Variants in PLET1 observed in about 807,000 individuals in gnomAD.
PLET1 encodes the protein placenta expressed transcript 1.
PLET1 carries 20 observed loss-of-function variants against 18.5 expected under a neutral mutation model. The ratio of observed to expected loss-of-function variants is 1.08; its 90% confidence interval spans 0.76 to 1.57. The LOEUF is 1.57. Among genes scored for constraint, PLET1 ranks in the 40% most tolerant of loss-of-function variants. The probability of loss-of-function intolerance (pLI) is 0.00; values close to 1 mark genes in which losing one functional copy is unlikely to be tolerated. For synonymous variants in PLET1, 93 were observed against 93.8 expected (o/e 0.99, Z 0.05); for missense variants, 256 against 246.4 (o/e 1.04, Z -0.26).
At chr11:112,251,973 A>C (rs915502527) in intron 3 of PLET1, among the ~76,000 whole-genome samples, 5 of 152,178 alleles carry the variant, frequency 3.3e-5, no homozygotes, top group African/African-American at 1.2e-4. Context: ...GTTAAAGTCT[A>C]CTGTATCCAT....
At chr11:112,259,414 A>G (rs1286810015) in intron 1 of PLET1, among the ~76,000 whole-genome samples, 2 of 152,228 alleles carry the variant, frequency 1.3e-5, no homozygotes, top group Admixed American at 1.3e-4. Context: ...AGGAAGTGTT[A>G]TTATTATGAA....
In PLET1 at chr11:112,260,850, C is replaced by T. The variant is rs772988871; in HGVS notation, c.-261G>A. On this transcript the variant is annotated 5_prime_UTR_variant, in exon 1 of 4. Coordinates refer to ENST00000338832, the MANE Select transcript of PLET1 (RefSeq NM_001145024.1). ...ATGTCCTGAATATGGTTTTCTTTTACGCCTGTCATTTCAGCATCTGCTGTT... is the reference window on the plus strand; with the variant it reads ...ATGTCCTGAATATGGTTTTCTTTTATGCCTGTCATTTCAGCATCTGCTGTT... 1.0e-4 allele frequency: 45 copies of T among 443,088 alleles called. 1 individual carries two copies. Among genetic ancestry groups the T allele is most frequent in the Non-Finnish European group, 9.7e-5 (24 of 248,690 alleles). The allele number at this position is 443,088 out of a possible 1,614,324, so 27.4% of individuals were successfully genotyped here.
chr11:112,257,396 A>T (rs1367037), intron 1 of PLET1, among the ~76,000 whole-genome samples: 1 of 149,334 alleles, frequency 6.7e-6, no homozygotes, highest in South Asian at 2.1e-4. Context: ...AAACTGTTGC[A>T]TTCTTAATCA....
chr11:112,260,289 G>A, intron 1 of PLET1, 117 bp downstream of exon 1: 2 of 1,010,844 alleles, frequency 2.0e-6, no homozygotes, highest in Non-Finnish European at 2.8e-6. Context: ...CTTCCCATTT[G>A]GTTCAGAAGA....
Position 112,255,588 on chromosome 11 carries a change from T to TA in PLET1, c.185dup (p.Phe63IlefsTer6), listed in dbSNP as rs201471247. On this transcript the variant is annotated frameshift_variant and splice_region_variant, in exon 2 of 4. Transcript: ENST00000338832. LOFTEE classifies it high-confidence loss of function. The stretch of plus-strand genomic sequence containing the variant: ...AGACGCTGTCATTCACGGGAACAAA[T>TA]ACTGGGAGGAAATGATGAAGAAGCA... 9.8e-4 allele frequency: 1,513 copies of TA among 1,550,638 alleles called. 11 individuals carry two copies. In the African/African-American group the frequency reaches 0.019, roughly 19 times the overall value.
Position 112,248,991 on chromosome 11 carries a change from G to T in PLET1, c.449-17C>A. Reference sequence around the variant, plus strand: ...AGGTTGACACTGGAAAGGTGGTTGAGGGTGCGGTTGGCACTGGAAAATGGC... The same window carrying T: ...AGGTTGACACTGGAAAGGTGGTTGATGGTGCGGTTGGCACTGGAAAATGGC... On this transcript the variant is annotated splice_polypyrimidine_tract_variant and intron_variant, in intron 3 of 3. Transcript: ENST00000338832. The T allele has an allele frequency of 6.5e-7, 1 of 1,548,430 alleles. No individual in the cohort carries two copies. Among genetic ancestry groups the T allele is most frequent in the South Asian group, 1.2e-5 (1 of 83,886 alleles).
chr11:112,260,727 T>C lies in PLET1; in HGVS notation c.-138A>G, dbSNP rs1174969350. ...TGCCCCTTCTGAATATACATTGGAT[T>C]CTGGAATTTGGCCCAAGACATCACC... On this transcript the variant is annotated 5_prime_UTR_variant, in exon 1 of 4. Coordinates refer to ENST00000338832, the MANE Select transcript of PLET1 (RefSeq NM_001145024.1). 17 of 750,502 alleles carry C rather than the reference T, an allele frequency of 2.3e-5. No individual in the cohort carries two copies. Among genetic ancestry groups the C allele is most frequent in the Non-Finnish European group, 2.9e-5 (14 of 480,226 alleles). 46.5% of individuals were successfully genotyped at this position (750,502 alleles called of 1,614,324 possible).
chr11:112,248,999 T>C lies in PLET1; in HGVS notation c.449-25A>G, dbSNP rs749567090. ...ACTGGAAAGGTGGTTGAGGGTGCGG[T>C]TGGCACTGGAAAATGGCATCGGAAC... On this transcript the variant is annotated intron_variant, in intron 3 of 3. Coordinates refer to ENST00000338832, the MANE Select transcript of PLET1 (RefSeq NM_001145024.1). 9.7e-6 allele frequency: 15 copies of C among 1,546,146 alleles called. No individual in the cohort carries two copies. The African/African-American group carries it at 1.9e-4, about 20-fold the overall frequency.
intron 1 of PLET1, among the ~76,000 whole-genome samples, chr11:112,257,275 T>G (rs775983492): frequency 1.3e-5 from 2 of 151,856 alleles, no homozygotes; most frequent in African/African-American, 2.4e-5. Context: ...CTGAAAGCCT[T>G]CCTTCCCTCT....
chr11:112,251,053 C>T (rs762670752), intron 3 of PLET1, among the ~76,000 whole-genome samples: 2 of 152,102 alleles, frequency 1.3e-5, no homozygotes, highest in Non-Finnish European at 2.9e-5. Context: ...CTCGTGAGGA[C>T]CACCTGTTGT....
At position 112,252,367 on chromosome 11, in the gene PLET1, A is replaced by T. The variant is rs896574675; in HGVS notation, c.429T>A (p.Thr143=). ...VQIRALPILS[T]LKLREKLSTL... is the part of the protein sequence containing the mutation. ...ACTCACGTTTTTCTCTTAGCTTCAG[A>T]GTAGAAAGTATAGGCAGCGCTCTGA... Residue 143 remains threonine, a synonymous_variant, in exon 3 of 4, where the codon ACT becomes ACA. Transcript: ENST00000338832. The T allele has an allele frequency of 1.9e-6, 3 of 1,551,236 alleles. No individual in the cohort carries two copies. The Admixed American group carries it at 5.9e-5, about 30-fold the overall frequency.
At chr11:112,260,150 CT>C (rs1592893194) in intron 1 of PLET1, 1 of 416,004 alleles carries the variant, frequency 2.4e-6, no homozygotes, top group Non-Finnish European at 4.3e-6. Flanking sequence ...CCCAAGTGTG[CT>C]CTTGCTGGGA....
chr11:112,254,190 G>GATGTGTGT (rs144110459), intron 2 of PLET1, among the ~76,000 whole-genome samples: 1 of 141,174 alleles, frequency 7.1e-6, no homozygotes, highest in Non-Finnish European at 1.5e-5. Flanking sequence ...GAGCATAAGT[G>GATGTGTGT]GTGTGTGTGT....
chr11:112,255,062 GTGTGTGTGGTGTGTGTGGTA>G (rs1484930228), intron 2 of PLET1, among the ~76,000 whole-genome samples: 4,980 of 66,704 alleles, frequency 0.075, 210 homozygotes, highest in African/African-American at 0.16. Flanking sequence ...TGGTATGTGT[GTGTGTGTGGTGTGTGTGGTA>G]TGTGTGGTGT....
chr11:112,254,569 G>A (rs1311064340), intron 2 of PLET1, among the ~76,000 whole-genome samples: 5 of 97,200 alleles, frequency 5.1e-5, no homozygotes, highest in South Asian at 4.0e-4. Flanking sequence ...TGTGATGTGC[G>A]TGTGGTATGT....
intron 2 of PLET1, among the ~76,000 whole-genome samples, 187 bp downstream of exon 2, chr11:112,255,199 ATG>A (rs962098017): frequency 2.0e-5 from 3 of 149,118 alleles, no homozygotes; most frequent in Non-Finnish European, 3.0e-5. Context: ...GTGTGTGTGA[ATG>A]TGTGTGTCTG....
chr11:112,248,910 A>C lies in PLET1; in HGVS notation c.513T>G (p.Ile171Met), dbSNP rs994640054. 6.4e-7 allele frequency: 1 copy of C among 1,551,390 alleles called. No individual in the cohort carries two copies. The highest frequency in any genetic ancestry group is 2.0e-5 in the Admixed American group (1 of 50,994). ...QSSAFKPFFM[I>M]TPKSIRLEGL... ...CTTCGAGTCTGATACTCTTGGGTGTAATCATGAAGAAAGGCTTGAAGGCTG... is the reference window on the plus strand; with the variant it reads ...CTTCGAGTCTGATACTCTTGGGTGTCATCATGAAGAAAGGCTTGAAGGCTG... Residue 171 changes from isoleucine (I) to methionine (M), a missense_variant, in exon 4 of 4, where the codon ATT becomes ATG. Transcript: ENST00000338832.
At chr11:112,254,367 G>A (rs904239587) in intron 2 of PLET1, among the ~76,000 whole-genome samples, 2 of 150,240 alleles carry the variant, frequency 1.3e-5, no homozygotes, top group Admixed American at 6.6e-5. Context: ...TGTATGGTGT[G>A]TGTGGTGTAT....
intron 2 of PLET1, among the ~76,000 whole-genome samples, chr11:112,252,965 A>T (rs1016031660): frequency 4.6e-5 from 7 of 152,148 alleles, no homozygotes; most frequent in Admixed American, 2.6e-4. Context: ...CCTTGTTCAT[A>T]CATGTGTTAG....
Sources: gnomAD v4.1 joint callset for allele counts (sites outside exome capture counted in the v4.1 genomes callset) on GRCh38, gnomAD v4.1.1 for gene constraint, MANE v1.5 for transcripts, NCBI Gene and HGNC (gene_info 2026-07-23, HGNC 2026-07-21) for gene names.